THSD7B: variants seen among roughly 807,000 people sequenced by gnomAD.
THSD7B encodes thrombospondin type 1 domain containing 7B.
In THSD7B, 138 loss-of-function variants were observed where a neutral mutation model predicts 213.6. The observed-to-expected ratio is 0.65, with a 90% CI of 0.56 to 0.74. The LOEUF is 0.74. Among genes scored for constraint, THSD7B ranks in the 30% least tolerant of loss-of-function variants. The pLI is 0.00. For missense variants in THSD7B, 1,931 were observed against 1,991.5 expected, an observed-to-expected ratio of 0.97 and a Z score of 0.58; for synonymous variants, 742 against 687.0, an observed-to-expected ratio of 1.08 and a Z score of -1.25.
chr2:136,960,636 TGGCCTTTAGTGTCA>T (rs1381428021), intron 2 of THSD7B, among the ~76,000 whole-genome samples: 2 of 152,196 alleles, frequency 1.3e-5, no homozygotes, highest in African/African-American at 4.8e-5. Context: ...CGTTAACATG[TGGCCTTTAGTGTCA>T]GGCCTTCCCT....
At chr2:137,638,640 G>T (rs756454488) in intron 20 of THSD7B, among the ~76,000 whole-genome samples, 1 of 152,174 alleles carries the variant, frequency 6.6e-6, no homozygotes, top group Non-Finnish European at 1.5e-5. Flanking sequence ...AAGAAAATGT[G>T]GGGAAGTGTT....
At chr2:137,226,034 G>A (rs554562668) in intron 7 of THSD7B, among the ~76,000 whole-genome samples, 1 of 151,868 alleles carries the variant, frequency 6.6e-6, no homozygotes, top group African/African-American at 2.4e-5. Context: ...GGAATTAAAA[G>A]CATATGAGTT....
At chr2:137,406,089 C>T (rs1686510962) in intron 13 of THSD7B, among the ~76,000 whole-genome samples, 1 of 152,172 alleles carries the variant, frequency 6.6e-6, no homozygotes, top group African/African-American at 2.4e-5. Flanking sequence ...CATTCACCAA[C>T]TTCTTTTGAG....
intron 17 of THSD7B, among the ~76,000 whole-genome samples, chr2:137,575,725 C>CATAT (rs1223981117): frequency 2.7e-5 from 3 of 110,816 alleles, no homozygotes; most frequent in African/African-American, 6.2e-5. Flanking sequence ...CCATAACACA[C>CATAT]ATATATATAT....
chr2:137,361,998 C>G (rs994466106), intron 12 of THSD7B, among the ~76,000 whole-genome samples: 1 of 151,946 alleles, frequency 6.6e-6, no homozygotes, highest in Admixed American at 6.6e-5. Context: ...GTCAGGTTAC[C>G]CACAAAGGGA....
At chr2:137,132,861 G>T (rs912374534) in intron 5 of THSD7B, among the ~76,000 whole-genome samples, 1 of 152,086 alleles carries the variant, frequency 6.6e-6, no homozygotes, top group Non-Finnish European at 1.5e-5. Flanking sequence ...ATTTCTCCCA[G>T]TTCTGTGCTT....
chr2:136,819,283 GT>G (rs1410446541), intron 1 of THSD7B, among the ~76,000 whole-genome samples: 1 of 152,156 alleles, frequency 6.6e-6, no homozygotes, highest in African/African-American at 2.4e-5. Flanking sequence ...CACATCTGTT[GT>G]TTTTTCCTGC....
At chr2:137,460,943 AC>A (rs1448162033) in intron 15 of THSD7B, among the ~76,000 whole-genome samples, 1 of 152,048 alleles carries the variant, frequency 6.6e-6, no homozygotes, top group Non-Finnish European at 1.5e-5. Context: ...GAGGAAAACA[AC>A]TTTACGTAAG....
At chr2:136,902,044 C>T (rs1684072139) in intron 2 of THSD7B, among the ~76,000 whole-genome samples, 1 of 152,224 alleles carries the variant, frequency 6.6e-6, no homozygotes, top group African/African-American at 2.4e-5. Context: ...ATTCGATACC[C>T]TGGGCTGGCC....
At chr2:137,327,859 C>A (rs940067040) in intron 12 of THSD7B, among the ~76,000 whole-genome samples, 1 of 152,086 alleles carries the variant, frequency 6.6e-6, no homozygotes, top group Non-Finnish European at 1.5e-5. Context: ...ACAGATGTGG[C>A]CTTTGGAGTT....
intron 2 of THSD7B, among the ~76,000 whole-genome samples, chr2:136,906,936 GTTTTTTTTTTTT>G (rs57887270): frequency 3.6e-5 from 2 of 55,096 alleles, no homozygotes; most frequent in African/African-American, 1.8e-4. Flanking sequence ...ACATTTCAAG[GTTTTTTTTTTTT>G]TTTTTTTTTT....
intron 3 of THSD7B, among the ~76,000 whole-genome samples, chr2:137,087,961 C>T (rs1687871502): frequency 6.6e-6 from 1 of 152,072 alleles, no homozygotes; most frequent in Non-Finnish European, 1.5e-5. Context: ...GTACACAGGC[C>T]AGGCATGGTG....
At chr2:137,535,616 C>G (rs940593021) in intron 15 of THSD7B, among the ~76,000 whole-genome samples, 1 of 151,642 alleles carries the variant, frequency 6.6e-6, no homozygotes, top group African/African-American at 2.4e-5. Context: ...TTTAATAGAT[C>G]CTGTGTGCTA....
chr2:137,475,569 A>T (rs930168856), intron 15 of THSD7B, among the ~76,000 whole-genome samples: 1 of 152,184 alleles, frequency 6.6e-6, no homozygotes, highest in Non-Finnish European at 1.5e-5. Flanking sequence ...CATATGAGTA[A>T]GAACATTCAG....
chr2:137,415,230 C>G (rs1203411676), intron 14 of THSD7B, among the ~76,000 whole-genome samples: 1 of 152,024 alleles, frequency 6.6e-6, no homozygotes, highest in Non-Finnish European at 1.5e-5. Context: ...ATCAGGGAGA[C>G]TTCTTCATGA....
At chr2:137,044,054 C>T (rs1686927450) in intron 2 of THSD7B, among the ~76,000 whole-genome samples, 1 of 152,144 alleles carries the variant, frequency 6.6e-6, no homozygotes. Context: ...AGTCGGGAAC[C>T]TGTATCCTGA....
At chr2:137,014,125 T>C (rs1686289591) in intron 2 of THSD7B, among the ~76,000 whole-genome samples, 1 of 152,062 alleles carries the variant, frequency 6.6e-6, no homozygotes, top group Non-Finnish European at 1.5e-5. Flanking sequence ...ATTGACTGGG[T>C]TTCTGCCATC....
chr2:136,814,778 T>C (rs1242249747), intron 1 of THSD7B, among the ~76,000 whole-genome samples: 1 of 152,226 alleles, frequency 6.6e-6, no homozygotes, highest in Admixed American at 6.5e-5. Context: ...TCAGCTTATA[T>C]GGCAGCTATA....
chr2:137,338,490 A>G (rs1415268167), intron 12 of THSD7B, among the ~76,000 whole-genome samples: 2 of 152,076 alleles, frequency 1.3e-5, no homozygotes, highest in Non-Finnish European at 2.9e-5. Flanking sequence ...AGACAAACTA[A>G]AACATATACC....
Sources: allele counts gnomAD v4.1 joint callset (sites outside exome capture counted in the v4.1 genomes callset), GRCh38; gene constraint gnomAD v4.1.1; transcripts MANE v1.5; gene names NCBI Gene and HGNC (gene_info 2026-07-23, HGNC 2026-07-21).